The following ATP11A variants were observed in gnomAD, a reference collection of about 807,000 sequenced individuals.
ATP11A encodes the protein ATPase phospholipid transporting 11A, also known as phospholipid-transporting ATPase IH.
ATP11A carries 81 observed loss-of-function variants against 154.4 expected under a neutral mutation model. That is an observed-to-expected ratio of 0.52 (90% CI 0.44 to 0.63). The LOEUF (loss-of-function observed/expected upper bound fraction) is 0.63. ATP11A is among the 30% of genes least tolerant of loss of function. ATP11A has a pLI of 0.00. For missense variants in ATP11A, 1,316 were observed against 1,474.3 expected, an observed-to-expected ratio of 0.89 and a Z score of 1.76; for synonymous variants, 623 against 585.9, an observed-to-expected ratio of 1.06 and a Z score of -0.91.
At chr13:112,805,763 GA>G (rs1188162915) in intron 3 of ATP11A, among the ~76,000 whole-genome samples, 1 of 151,336 alleles carries the variant, frequency 6.6e-6, no homozygotes, top group African/African-American at 2.4e-5. Flanking sequence ...AGAAAAAAAA[GA>G]GTGAAAAAAT....
chr13:112,867,887 G>A (rs975835081), intron 25 of ATP11A, among the ~76,000 whole-genome samples: 5 of 152,214 alleles, frequency 3.3e-5, no homozygotes, highest in African/African-American at 7.2e-5. Context: ...TACTCCCAAC[G>A]GGGTTACAGT....
At chr13:112,727,807 C>A (rs550130678) in intron 1 of ATP11A, among the ~76,000 whole-genome samples, 42 of 152,266 alleles carry the variant, frequency 2.8e-4, no homozygotes, top group Non-Finnish European at 5.3e-4. Flanking sequence ...CTTCGTGCAG[C>A]CTGCCACGCA....
At chr13:112,701,822 G>C (rs982635995) in intron 1 of ATP11A, among the ~76,000 whole-genome samples, 2 of 152,084 alleles carry the variant, frequency 1.3e-5, no homozygotes, top group Non-Finnish European at 2.9e-5. Flanking sequence ...GACAGAGCAG[G>C]CTGTCAACAC....
chr13:112,886,925 C>G lies in ATP11A; in HGVS notation c.*5059C>G, dbSNP rs1297011413. The G allele has an allele frequency of 6.6e-6, 1 of 152,226 alleles. No individual in the cohort carries two copies. The highest frequency in any genetic ancestry group is 1.5e-5 in the Non-Finnish European group (1 of 68,040). 9.4% of individuals were successfully genotyped at this position (152,226 alleles called of 1,614,324 possible). Reference sequence around the variant, plus strand: ...GCATTAACATAAATCAGTCTCCACACAGTAACATTTAACTGATAATTCATT... The same window carrying G: ...GCATTAACATAAATCAGTCTCCACAGAGTAACATTTAACTGATAATTCATT... On this transcript the variant is annotated 3_prime_UTR_variant, in exon 30 of 30. Coordinates refer to ENST00000375645, the MANE Select transcript of ATP11A (RefSeq NM_015205.3).
In ATP11A at chr13:112,875,801, T is replaced by C. The variant is rs771123199; in HGVS notation, c.3187T>C (p.Tyr1063His). ...IWPFLNYQRM[Y>H]YVFIQMLSSG... The stretch of plus-strand genomic sequence containing the variant: ...GCCGTTCCTCAACTACCAGAGGATG[T>C]ACTACGTGTTCATCCAGATGCTGTC... Residue 1063 changes from tyrosine to histidine, a missense_variant, in exon 28 of 30, where the codon TAC becomes CAC. By Grantham distance (83) the Tyr-to-His change is moderately conservative. Transcript: ENST00000375645. The surrounding 1 kb of genome is among the most constrained non-coding windows in gnomAD (Gnocchi z 4.1). The C allele has an allele frequency of 1.9e-6, 3 of 1,613,884 alleles. No homozygotes were observed. Among genetic ancestry groups the C allele is most frequent in the Middle Eastern group, 1.6e-4 (1 of 6,084 alleles).
chr13:112,812,388 A>G (rs890263867), intron 5 of ATP11A, among the ~76,000 whole-genome samples: 4 of 151,860 alleles, frequency 2.6e-5, no homozygotes. Context: ...GTGCAGCCCC[A>G]CTGCCTCCCT....
intron 1 of ATP11A, among the ~76,000 whole-genome samples, chr13:112,714,976 C>T (rs1888257953): frequency 6.6e-6 from 1 of 152,170 alleles, no homozygotes. Flanking sequence ...CCCCATTCAA[C>T]TTTCTGTCTC....
intron 1 of ATP11A, among the ~76,000 whole-genome samples, chr13:112,752,695 C>T (rs1314793734): frequency 6.6e-6 from 1 of 152,214 alleles, no homozygotes; most frequent in East Asian, 1.9e-4. Flanking sequence ...TTCTACAACA[C>T]AGAATACCGT....
At position 112,751,678 on chromosome 13, in the gene ATP11A, CAAAAA is replaced by C. The variant is rs897726447; in HGVS notation, c.40-33450_40-33446del. ...ATCTCAAAAACAAAACAAAACAAAA[CAAAAA>C]AAAAAACAGACATTGGCCCTTTGAC... On this transcript the variant is annotated intron_variant, in intron 1 of 29. Coordinates refer to ENST00000375645, the MANE Select transcript of ATP11A (RefSeq NM_015205.3). 3.7e-4 allele frequency among the ~76,000 whole-genome samples: 54 copies of C among 144,562 alleles called. 1 individual carries two copies. Among genetic ancestry groups the C allele is most frequent in the African/African-American group, 1.2e-3 (49 of 40,064 alleles). 94.8% of individuals were successfully genotyped at this position (144,562 alleles called of 152,430 possible).
Position 112,716,541 on chromosome 13 carries a change from G to T in ATP11A, c.39+26086G>T, listed in dbSNP as rs1298814328. Among the ~76,000 whole-genome samples the T allele has an allele frequency of 5.9e-5, 9 of 152,224 alleles. 1 individual carries two copies. Among genetic ancestry groups the T allele is most frequent in the Admixed American group, 5.2e-4 (8 of 15,286 alleles). On this transcript the variant is annotated intron_variant, in intron 1 of 29. Coordinates refer to ENST00000375645, the MANE Select transcript of ATP11A (RefSeq NM_015205.3). ...CGGGAGCCGGGACAGAGGGGGCAAG[G>T]AGGCCTCCTGGGACTGGGGCGTTCC... is the stretch of plus-strand genomic sequence containing the variant.
At position 112,816,124 on chromosome 13, in the gene ATP11A, C is replaced by G; in HGVS notation, c.483C>G (p.Pro161=). 1 of 1,614,204 alleles carries G rather than the reference C, an allele frequency of 6.2e-7. No individual in the cohort carries two copies. The highest frequency in any genetic ancestry group is 8.5e-7 in the Non-Finnish European group (1 of 1,180,044). ...IVMVKEDETF[P]CDLIFLSSNR... The stretch of plus-strand genomic sequence containing the variant: ...TGGTTAAGGAGGACGAGACCTTTCC[C>G]TGCGACTTGATCTTCCTTTCCAGCA... Residue 161 remains proline (P), a synonymous_variant, in exon 6 of 30, where the codon CCC becomes CCG. Coordinates refer to ENST00000375645, the MANE Select transcript of ATP11A (RefSeq NM_015205.3).
chr13:112,805,969 T>C (rs554143159), intron 3 of ATP11A, among the ~76,000 whole-genome samples: 1 of 152,126 alleles, frequency 6.6e-6, no homozygotes, highest in Admixed American at 6.5e-5. Flanking sequence ...GACTTCAGAC[T>C]GGGTCTGCCA....
chr13:112,870,903 C>T (rs1447956391), intron 25 of ATP11A, among the ~76,000 whole-genome samples: 2 of 152,162 alleles, frequency 1.3e-5, no homozygotes, highest in East Asian at 1.9e-4. Context: ...CCTCACGGGT[C>T]GGGCACGCGG....
intron 1 of ATP11A, among the ~76,000 whole-genome samples, chr13:112,740,160 A>C (rs1396221816): frequency 1.0e-4 from 15 of 149,274 alleles, no homozygotes; most frequent in South Asian, 4.2e-4. Context: ...ATATATATAT[A>C]TATATATATA....
intron 16 of ATP11A, 148 bp from the exon 17 acceptor site, chr13:112,842,128 G>A (rs1264812089): frequency 1.8e-5 from 11 of 599,804 alleles, no homozygotes; most frequent in African/African-American, 5.6e-5. Context: ...TTTCCTGACT[G>A]TAGCGTGTTA....
intron 1 of ATP11A, among the ~76,000 whole-genome samples, chr13:112,728,617 G>GTA: frequency 7.1e-6 from 1 of 141,586 alleles, no homozygotes; most frequent in African/African-American, 2.7e-5. Context: ...GAGACCGTGC[G>GTA]GCCCGCCTCC....
rs1449455403 is a variant in ATP11A at position 112,876,907 on chromosome 13, C to T, written c.3327+966C>T. 5.3e-5 allele frequency among the ~76,000 whole-genome samples: 8 copies of T among 152,176 alleles called. No individual in the cohort carries two copies. The South Asian group carries it at 1.7e-3, about 32-fold the overall frequency. ...CTCCCTTGGGGGGCACAGCCTCACC[C>T]ACCACCCACCTCCAACAATCAGAAT... On this transcript the variant is annotated intron_variant, in intron 28 of 29. Coordinates refer to ENST00000375645, the MANE Select transcript of ATP11A (RefSeq NM_015205.3).
intron 14 of ATP11A, among the ~76,000 whole-genome samples, chr13:112,834,278 A>G (rs1389624390): frequency 6.6e-6 from 1 of 152,184 alleles, no homozygotes; most frequent in Non-Finnish European, 1.5e-5. Flanking sequence ...AGTGTCATCG[A>G]AGCAAGGATT....
intron 25 of ATP11A, among the ~76,000 whole-genome samples, chr13:112,867,447 C>T (rs2080373196): frequency 6.6e-6 from 1 of 152,194 alleles, no homozygotes; most frequent in African/African-American, 2.4e-5. Flanking sequence ...AGGACACGGG[C>T]GCCACTGTCC....
Sources: allele counts gnomAD v4.1 joint callset (sites outside exome capture counted in the v4.1 genomes callset), GRCh38; gene constraint gnomAD v4.1.1; non-coding constraint Gnocchi (gnomAD v3.1); transcripts MANE v1.5; gene names NCBI Gene and HGNC (gene_info 2026-07-23, HGNC 2026-07-21).